Variants in KLC1 observed in about 807,000 individuals in gnomAD.
KLC1 encodes the protein kinesin light chain 1.
In KLC1, 30 loss-of-function variants were observed where a neutral mutation model predicts 84.2. The observed-to-expected ratio is 0.36, with a 90% CI of 0.27 to 0.48. The LOEUF (loss-of-function observed/expected upper bound fraction) is 0.48, where lower values mean the gene tolerates loss of function less well. Among genes scored for constraint, KLC1 ranks in the 20% least tolerant of loss-of-function variants. The probability of loss-of-function intolerance (pLI) is 0.99; values close to 1 mark genes in which losing one functional copy is unlikely to be tolerated. For synonymous variants in KLC1, 289 were observed against 293.3 expected, an observed-to-expected ratio of 0.99 and a Z score of 0.15; for missense variants, 499 against 805.4, an observed-to-expected ratio of 0.62 and a Z score of 4.60.
chr14:103,632,117 G>A (rs995038164), intron 1 of KLC1, among the ~76,000 whole-genome samples: 1 of 152,158 alleles, frequency 6.6e-6, no homozygotes, highest in Admixed American at 6.5e-5. Flanking sequence ...ACTGTTGGCC[G>A]GGCGTGGTCA....
At chr14:103,685,869 G>C in intron 13 of KLC1, 4 of 1,149,964 alleles carry the variant, frequency 3.5e-6, no homozygotes, top group Non-Finnish European at 4.3e-6. Context: ...AATATAAACT[G>C]TATTAATAAA....
chr14:103,684,323 A>G (rs190810645), intron 13 of KLC1, among the ~76,000 whole-genome samples: 1 of 152,382 alleles, frequency 6.6e-6, no homozygotes, highest in East Asian at 1.9e-4. Context: ...CTGCTCAGGT[A>G]ACCCACCTTT....
intron 15 of KLC1, among the ~76,000 whole-genome samples, chr14:103,697,448 G>C (rs1158808784): frequency 6.6e-6 from 1 of 152,168 alleles, no homozygotes; most frequent in Non-Finnish European, 1.5e-5. Context: ...TTCTGCCTCT[G>C]GGTTGTGGGA....
At position 103,654,589 on chromosome 14, in the gene KLC1, G is replaced by A. The variant is rs536154803; in HGVS notation, c.25G>A (p.Val9Met). The change falls in exon 2 of 17, where the codon GTG becomes ATG. Residue 9 changes from valine (V) to methionine (M), a missense_variant. Physicochemically the swap from Val to Met is conservative, Grantham distance 21 (BLOSUM62 1). Coordinates refer to ENST00000334553, the MANE Select transcript of KLC1 (RefSeq NM_001394837.1). ...AATGTATGACAACATGTCCACAATG[G>A]TGTACATAAAGGAAGACAAGTTGGA... MYDNMSTM[V>M]YIKEDKLEKL... 4 of 1,613,356 alleles carry A rather than the reference G, an allele frequency of 2.5e-6. No homozygotes were observed. The highest frequency in any genetic ancestry group is 3.4e-6 in the Non-Finnish European group (4 of 1,179,760).
intron 13 of KLC1, chr14:103,685,969 T>C: frequency 8.9e-7 from 1 of 1,118,180 alleles, no homozygotes; most frequent in South Asian, 2.2e-5. Context: ...ACACAAGGTG[T>C]TGTTGCAATG....
chr14:103,680,778 C>T (rs550478008), intron 13 of KLC1, among the ~76,000 whole-genome samples: 1 of 152,318 alleles, frequency 6.6e-6, no homozygotes, highest in East Asian at 1.9e-4. Flanking sequence ...CTGCATGCTT[C>T]GTATAGAAGG....
At chr14:103,672,300 C>T (rs2080458607) in intron 7 of KLC1, among the ~76,000 whole-genome samples, 1 of 152,166 alleles carries the variant, frequency 6.6e-6, no homozygotes, top group South Asian at 2.1e-4. Flanking sequence ...GCGGAGAGAA[C>T]TCATCACTTG....
In KLC1 at chr14:103,654,835, A is replaced by G; in HGVS notation, c.261+10A>G. 11 of 1,610,790 alleles carry G rather than the reference A, an allele frequency of 6.8e-6. No homozygotes were observed. Among genetic ancestry groups the G allele is most frequent in the Non-Finnish European group, 8.5e-6 (10 of 1,178,246 alleles). On this transcript the variant is annotated intron_variant, in intron 2 of 16. Transcript: ENST00000334553. ...CCTGAGTGAGGCACAGGTACGAGTG[A>G]GAATGACTCAGACGTTATCAGGAAC...
At chr14:103,700,418 T>G in intron 15 of KLC1, 1 of 459,748 alleles carries the variant, frequency 2.2e-6, no homozygotes, top group Non-Finnish European at 3.8e-6. Flanking sequence ...CCGCACAGCT[T>G]GGTGAGCCAT....
At chr14:103,683,331 G>A (rs1384090837) in intron 13 of KLC1, 1 of 152,124 alleles carries the variant, frequency 6.6e-6, no homozygotes, top group African/African-American at 2.4e-5. Context: ...ACTTGACAGC[G>A]GCACCTCTGT....
rs144779025 is a variant in KLC1 at position 103,692,428 on chromosome 14, A to G, written c.1848+3A>G. 2 of 1,536,488 alleles carry G rather than the reference A, an allele frequency of 1.3e-6. No homozygotes were observed. Among genetic ancestry groups the G allele is most frequent in the Non-Finnish European group, 1.7e-6 (2 of 1,146,924 alleles). On this transcript the variant is annotated splice_donor_region_variant and intron_variant, in intron 15 of 16. Transcript: ENST00000334553. ...AGGCTGCTGAAGATCGCTTTCAAGT[A>G]AGGAGCCTACCCCGAATTGTGTCCT...
chr14:103,700,168 A>C (rs1160901656), intron 15 of KLC1: 1 of 204,382 alleles, frequency 4.9e-6, no homozygotes, highest in East Asian at 1.2e-4. Context: ...GGGGGTCAGG[A>C]TGGGGCTGTA....
At chr14:103,662,034 A>C in intron 3 of KLC1, 82 bp from the exon 4 acceptor site, 1 of 868,280 alleles carries the variant, frequency 1.2e-6, no homozygotes, top group Non-Finnish European at 1.9e-6. Flanking sequence ...CTTAGTTAAA[A>C]TGTATTTAAT....
At chr14:103,679,585 C>T in intron 13 of KLC1, 40 bp downstream of exon 13, 1 of 1,532,086 alleles carries the variant, frequency 6.5e-7, no homozygotes, top group East Asian at 2.3e-5. Flanking sequence ...CCGGGAGGCG[C>T]CCCCAAGTGG....
At chr14:103,640,090 CAG>C (rs2077368224) in intron 1 of KLC1, among the ~76,000 whole-genome samples, 1 of 151,990 alleles carries the variant, frequency 6.6e-6, no homozygotes, top group South Asian at 2.1e-4. Context: ...ATTTTTGAGA[CAG>C]AGTTTCGCTC....
intron 1 of KLC1, among the ~76,000 whole-genome samples, chr14:103,635,411 G>A (rs1312518637): frequency 5.9e-5 from 9 of 152,092 alleles, no homozygotes; most frequent in Admixed American, 2.0e-4. Context: ...AATCAGTTGA[G>A]CCCAGGAGTT....
intron 15 of KLC1, chr14:103,695,034 C>T: frequency 3.0e-6 from 3 of 985,350 alleles, no homozygotes; most frequent in Non-Finnish European, 3.6e-6. Flanking sequence ...TTCTGAGGCT[C>T]CTGACTCCAT....
chr14:103,682,194 C>T (rs149844361), intron 13 of KLC1, among the ~76,000 whole-genome samples: 2,316 of 151,904 alleles, frequency 0.015, 56 homozygotes, highest in African/African-American at 0.052. Context: ...CACGGTGAAA[C>T]CCCCTCTCTA....
At position 103,653,425 on chromosome 14, in the gene KLC1, G is replaced by T. The variant is rs572458189; in HGVS notation, c.-1-1139G>T. ...CAACCTCTGCCTCCCGGGCTCAAGTGATTCTCGTGCCTCAGCCCCCTGAGT... is the reference window on the plus strand; with the variant it reads ...CAACCTCTGCCTCCCGGGCTCAAGTTATTCTCGTGCCTCAGCCCCCTGAGT... On this transcript the variant is annotated intron_variant, in intron 1 of 16. Transcript: ENST00000334553. Among the ~76,000 whole-genome samples the T allele has an allele frequency of 9.2e-5, 14 of 152,302 alleles. 1 individual carries two copies. In the South Asian group the frequency reaches 2.9e-3, roughly 32 times the overall value.
Sources: gnomAD v4.1 joint callset for allele counts (sites outside exome capture counted in the v4.1 genomes callset) on GRCh38, gnomAD v4.1.1 for gene constraint, MANE v1.5 for transcripts, NCBI Gene and HGNC (gene_info 2026-07-23, HGNC 2026-07-21) for gene names.